GIN1: variants seen among roughly 807,000 people sequenced by gnomAD.
GIN1 encodes gypsy retrotransposon integrase 1, also known as gypsy retrotransposon integrase-like protein 1.
Under a neutral mutation model 51.4 loss-of-function variants are expected in GIN1, and 41 were observed. The ratio of observed to expected loss-of-function variants is 0.80; its 90% CI spans 0.62 to 1.04. The LOEUF (loss-of-function observed/expected upper bound fraction) is 1.04. GIN1 is among the 50% of genes least tolerant of loss of function. GIN1 has a pLI of 0.00. For synonymous variants in GIN1, 222 were observed against 206.5 expected (o/e 1.07, Z -0.64); for missense variants, 610 against 612.4 (o/e 1.00, Z 0.04).
rs782438691 is a variant in GIN1, at chr5:103,104,778, G to C, written c.402C>G (p.Leu134=). 1.2e-6 allele frequency: 2 copies of C among 1,611,786 alleles called. No homozygotes were observed. Among genetic ancestry groups the C allele is most frequent in the South Asian group, 1.1e-5 (1 of 90,968 alleles). ...CTAAACTCCATGGATTTTCCACCTT[G>C]AGAAGGTGCTGTTTCGGTGCTACAA... The part of the protein sequence containing the change: ...TVIVAPKQHL[L]KVENPWSLVT... Residue 134 remains leucine (L), a synonymous_variant, in exon 4 of 8, where the codon CTC becomes CTG. Coordinates refer to ENST00000399004, the MANE Select transcript of GIN1 (RefSeq NM_017676.2).
chr5:103,098,941 T>G (rs34816), intron 4 of GIN1, among the ~76,000 whole-genome samples: 39,143 of 152,068 alleles, frequency 0.26, 5,563 homozygotes, highest in East Asian at 0.45. Context: ...TACAAAACTT[T>G]TAACAGTAAA....
intron 4 of GIN1, chr5:103,102,889 GA>G: frequency 6.6e-6 from 1 of 152,174 alleles, no homozygotes; most frequent in South Asian, 2.1e-4. Context: ...CAAAAAAAAA[GA>G]AAAGAATGGA....
intron 4 of GIN1, among the ~76,000 whole-genome samples, chr5:103,103,679 G>A (rs1195361838): frequency 1.3e-5 from 2 of 152,144 alleles, no homozygotes; most frequent in East Asian, 3.9e-4. Flanking sequence ...CTGGGAAAAG[G>A]CCAGAGCAAG....
rs1554196594 is a variant in GIN1 at position 103,108,576 on chromosome 5, G to C, written c.132C>G (p.Val44=). ...SGIRRAAKKF[V]FKEKKLFYVG... is the part of the protein sequence containing the mutation. Reference sequence around the variant, plus strand: ...TTTGAACATTAATTTTACCTTTGAAGACAAATTTTTTTGCTGCTCTTCTTA... The same window carrying C: ...TTTGAACATTAATTTTACCTTTGAACACAAATTTTTTTGCTGCTCTTCTTA... Residue 44 remains valine, a synonymous_variant, in exon 2 of 8, where the codon GTC becomes GTG. Transcript: ENST00000399004. The C allele has an allele frequency of 6.3e-7, 1 of 1,595,730 alleles. No homozygotes were observed. The highest frequency in any genetic ancestry group is 1.7e-5 in the Admixed American group (1 of 58,890).
At chr5:103,119,498 G>C (rs1466944608) in intron 1 of GIN1, among the ~76,000 whole-genome samples, 1 of 152,104 alleles carries the variant, frequency 6.6e-6, no homozygotes, top group Non-Finnish European at 1.5e-5. Context: ...ACTTTAAAAA[G>C]TATCTACTTT....
At chr5:103,101,379 C>A (rs782179523) in intron 4 of GIN1, among the ~76,000 whole-genome samples, 1 of 152,176 alleles carries the variant, frequency 6.6e-6, no homozygotes, top group Non-Finnish European at 1.5e-5. Flanking sequence ...ACTTTTAAAT[C>A]ATTTATTTCT....
At chr5:103,095,221 C>T (rs1787359190) in intron 7 of GIN1, among the ~76,000 whole-genome samples, 1 of 152,164 alleles carries the variant, frequency 6.6e-6, no homozygotes, top group Non-Finnish European at 1.5e-5. Flanking sequence ...TACTCATTAA[C>T]TCTCTCTCAG....
chr5:103,108,481 A>G lies in GIN1; in HGVS notation c.139+88T>C, dbSNP rs566251061. On this transcript the variant is annotated intron_variant, in intron 2 of 7. Transcript: ENST00000399004. ...ACTGGTAATTGTTTAGCAACAACCA[A>G]CTACTACAGAAATTCCCAAACTTCC... 5 of 862,424 alleles carry G rather than the reference A, an allele frequency of 5.8e-6. No individual in the cohort carries two copies. The East Asian group carries it at 1.3e-4, about 22-fold the overall frequency. The allele number at this position is 862,424 out of a possible 1,614,324, so 53.4% of individuals were successfully genotyped here.
At chr5:103,112,962 T>G (rs575010521) in intron 1 of GIN1, among the ~76,000 whole-genome samples, 1 of 152,254 alleles carries the variant, frequency 6.6e-6, no homozygotes, top group South Asian at 2.1e-4. Flanking sequence ...GAGTGGTGTT[T>G]TAACAGATGT....
chr5:103,100,565 A>ATT (rs1318946948), intron 4 of GIN1, among the ~76,000 whole-genome samples: 4 of 147,204 alleles, frequency 2.7e-5, no homozygotes, highest in African/African-American at 5.0e-5. Context: ...TTAATTAAAA[A>ATT]TTTTTTTTTT....
At chr5:103,113,516 C>T (rs911867158) in intron 1 of GIN1, among the ~76,000 whole-genome samples, 2 of 147,846 alleles carry the variant, frequency 1.4e-5, no homozygotes, top group Admixed American at 1.4e-4. Flanking sequence ...CTCAAAGTTC[C>T]ACCTCTTTTT....
chr5:103,110,795 A>G (rs1787860700), intron 1 of GIN1, among the ~76,000 whole-genome samples: 1 of 152,226 alleles, frequency 6.6e-6, no homozygotes, highest in Non-Finnish European at 1.5e-5. Flanking sequence ...GATATTTTAT[A>G]GTCATAATAG....
chr5:103,106,625 G>A (rs999459390), intron 3 of GIN1, 91 bp downstream of exon 3: 6 of 735,066 alleles, frequency 8.2e-6, no homozygotes, highest in Non-Finnish European at 1.1e-5. Flanking sequence ...TTAATGAGAG[G>A]TGATACCCAG....
intron 2 of GIN1, among the ~76,000 whole-genome samples, chr5:103,107,391 G>A (rs957207909): frequency 2.0e-5 from 3 of 152,134 alleles, no homozygotes; most frequent in Non-Finnish European, 4.4e-5. Flanking sequence ...AGAAGGTAGG[G>A]ATGGTGAAGC....
At chr5:103,094,506 A>T (rs1787338630) in intron 7 of GIN1, among the ~76,000 whole-genome samples, 1 of 152,190 alleles carries the variant, frequency 6.6e-6, no homozygotes, top group Non-Finnish European at 1.5e-5. Flanking sequence ...CTGTTTAGAG[A>T]CTGTTCTCAA....
intron 6 of GIN1, 105 bp downstream of exon 6, chr5:103,097,209 G>A: frequency 1.5e-6 from 1 of 687,118 alleles, no homozygotes; most frequent in South Asian, 1.8e-5. Flanking sequence ...TGGCAAGTAA[G>A]TATGTGTGTG....
chr5:103,104,416 T>C, intron 4 of GIN1, 125 bp downstream of exon 4: 2 of 600,800 alleles, frequency 3.3e-6, no homozygotes, highest in Non-Finnish European at 5.9e-6. Flanking sequence ...ATATCATACC[T>C]CTATACCTAC....
In GIN1 at chr5:103,096,259, G is replaced by A. The variant is rs145299826; in HGVS notation, c.1294+282C>T. On this transcript the variant is annotated intron_variant, in intron 7 of 7. Transcript: ENST00000399004. ...TCGGGAGGCTGAGGCAGAATTGCTT[G>A]AACCCGGGAGGCAGAGGTTGCAGTG... Among the ~76,000 whole-genome samples, 1,318 of 152,158 alleles carry A rather than the reference G, an allele frequency of 8.7e-3. 21 individuals are homozygous for A. Among genetic ancestry groups the A allele is most frequent in the African/African-American group, 0.029 (1,223 of 41,504 alleles).
intron 6 of GIN1, 80 bp from the exon 7 acceptor site, chr5:103,096,906 T>G: frequency 1.2e-6 from 1 of 841,314 alleles, no homozygotes. Context: ...ATGAGAATAT[T>G]GTAACAAAAT....
Sources: gnomAD v4.1 joint callset for allele counts (sites outside exome capture counted in the v4.1 genomes callset) on GRCh38, gnomAD v4.1.1 for gene constraint, MANE v1.5 for transcripts, NCBI Gene and HGNC (gene_info 2026-07-23, HGNC 2026-07-21) for gene names.